The following COL4A5 variants were observed in gnomAD, a reference collection of about 807,000 sequenced individuals.
COL4A5 encodes collagen alpha-5(IV) chain.
A neutral mutation model predicts 130.2 loss-of-function variants in COL4A5; 26 were observed. The observed-to-expected ratio is 0.20, with a 90% confidence interval of 0.15 to 0.28. The LOEUF is 0.28. COL4A5 is among the 10% of genes least tolerant of loss of function. The probability of loss-of-function intolerance (pLI) is 1.00; values close to 1 mark genes in which losing one functional copy is unlikely to be tolerated. For synonymous variants in COL4A5, 496 were observed against 439.6 expected (o/e 1.13, Z -1.60); for missense variants, 1,131 against 1,344.3 (o/e 0.84, Z 2.48).
At chrX:108,587,443 G>T (rs2066355374) in intron 19 of COL4A5, among the ~76,000 whole-genome samples, 1 of 111,423 alleles carries the variant, frequency 9.0e-6, no homozygotes, top group Admixed American at 9.5e-5. Flanking sequence ...TGCTGCAAAT[G>T]ATAGAACTCC....
intron 1 of COL4A5, among the ~76,000 whole-genome samples, chrX:108,485,808 G>A (rs1469293718): frequency 9.0e-6 from 1 of 110,892 alleles, no homozygotes; most frequent in Admixed American, 9.7e-5. Context: ...TCCCTTAGCT[G>A]CACCAACTGG....
chrX:108,604,277 A>T (rs571740537), intron 28 of COL4A5, among the ~76,000 whole-genome samples: 1 of 112,396 alleles, frequency 8.9e-6, no homozygotes, highest in Non-Finnish European at 1.9e-5. Context: ...CTTAAATAAT[A>T]AGACTTGAAA....
intron 1 of COL4A5, among the ~76,000 whole-genome samples, chrX:108,504,472 T>A (rs1157979674): frequency 3.6e-5 from 4 of 111,880 alleles, no homozygotes; most frequent in African/African-American, 1.3e-4. Context: ...AGAAAATATT[T>A]GTAAACTATG....
At chrX:108,647,578 TCTC>T (rs2067626274) in intron 36 of COL4A5, among the ~76,000 whole-genome samples, 1 of 111,476 alleles carries the variant, frequency 9.0e-6, no homozygotes, top group African/African-American at 3.3e-5. Context: ...TTTATTTTCT[TCTC>T]CTGCCTGATT....
At chrX:108,684,842 C>A (rs1156470023) in intron 47 of COL4A5, among the ~76,000 whole-genome samples, 2 of 112,282 alleles carry the variant, frequency 1.8e-5, no homozygotes, top group African/African-American at 6.5e-5. Flanking sequence ...AACATCAATG[C>A]GAAAATCCTC....
intron 1 of COL4A5, among the ~76,000 whole-genome samples, chrX:108,533,957 C>A (rs1255637541): frequency 9.0e-6 from 1 of 111,110 alleles, no homozygotes; most frequent in Non-Finnish European, 1.9e-5. Context: ...CATCGCTAAT[C>A]ATCAGAGAAA....
Position 108,624,329 on chromosome X carries a change from C to A in COL4A5, c.3011C>A (p.Pro1004Gln). 8.4e-7 allele frequency: 1 copy of A among 1,196,574 alleles called. No homozygotes were observed. The highest frequency in any genetic ancestry group is 1.8e-5 in the South Asian group (1 of 55,814). ...GLSGQPGLPG[P>Q]PGPKGNPGLP... ...AGTGGACAACCTGGATTACCAGGAC[C>A]ACCAGGTAAGTGTGATAGGCCATTT... The change falls in exon 34 of 53, where the codon CCA becomes CAA. Residue 1004 changes from proline (P) to glutamine (Q), a missense_variant. Coordinates refer to ENST00000328300, the MANE Select transcript of COL4A5 (RefSeq NM_033380.3).
At chrX:108,586,933 C>T (rs931501625) in intron 19 of COL4A5, among the ~76,000 whole-genome samples, 186 bp downstream of exon 19, 6 of 110,966 alleles carry the variant, frequency 5.4e-5, no homozygotes, top group Non-Finnish European at 9.4e-5. Flanking sequence ...TTTAAAAAAG[C>T]CCAAGTGAAT....
intron 1 of COL4A5, among the ~76,000 whole-genome samples, chrX:108,523,383 C>G (rs1193485828): frequency 9.0e-6 from 1 of 111,594 alleles, no homozygotes; most frequent in East Asian, 2.8e-4. Flanking sequence ...GCACCTTTGT[C>G]AAAAATCTAT....
At position 108,524,879 on chromosome X, in the gene COL4A5, A is replaced by C. The variant is rs137991801; in HGVS notation, c.82-14867A>C. On this transcript the variant is annotated intron_variant, in intron 1 of 52. Coordinates refer to ENST00000328300, the MANE Select transcript of COL4A5 (RefSeq NM_033380.3). ...TGCTTTGTGTAATTGCAATACTTTT[A>C]AGTTTATTGATGTTTGTTTTATGGC... is the stretch of plus-strand genomic sequence containing the variant. 1.0e-3 allele frequency among the ~76,000 whole-genome samples: 117 copies of C among 111,792 alleles called. 4 individuals carry two copies. In the East Asian group the frequency reaches 0.032, roughly 30 times the overall value.
At chrX:108,553,033 G>A (rs2065775232) in intron 2 of COL4A5, among the ~76,000 whole-genome samples, 1 of 111,590 alleles carries the variant, frequency 9.0e-6, no homozygotes, top group African/African-American at 3.3e-5. Context: ...TCCTGGAAGG[G>A]TTGCATATGC....
intron 1 of COL4A5, among the ~76,000 whole-genome samples, chrX:108,444,210 CTCTTTTTTTTT>C (rs1190915404): frequency 9.5e-6 from 1 of 105,251 alleles, no homozygotes; most frequent in Non-Finnish European, 1.9e-5. Context: ...ATGTTCCAGA[CTCTTTTTTTTT>C]TCTTTTTTTT....
intron 39 of COL4A5, 130 bp downstream of exon 39, chrX:108,666,724 A>G: frequency 1.7e-6 from 1 of 582,568 alleles, no homozygotes; most frequent in Non-Finnish European, 2.8e-6. Flanking sequence ...CCCTTTTCCT[A>G]GTTACCGTCT....
chrX:108,636,188 T>C (rs748723442), intron 36 of COL4A5, among the ~76,000 whole-genome samples: 1 of 111,948 alleles, frequency 8.9e-6, no homozygotes, highest in South Asian at 3.7e-4. Flanking sequence ...AGAATGAATC[T>C]GGACCCCTAT....
At chrX:108,566,248 T>C (rs2065967204) in intron 4 of COL4A5, among the ~76,000 whole-genome samples, 1 of 111,019 alleles carries the variant, frequency 9.0e-6, no homozygotes, top group South Asian at 3.8e-4. Flanking sequence ...CTTTTTTTTT[T>C]TTTCATTATA....
At chrX:108,629,858 T>C (rs2067220905) in intron 36 of COL4A5, among the ~76,000 whole-genome samples, 1 of 110,062 alleles carries the variant, frequency 9.1e-6, no homozygotes. Context: ...CCGCCCTGTG[T>C]CCAAGTGTTC....
At chrX:108,478,087 TG>T (rs1473910861) in intron 1 of COL4A5, among the ~76,000 whole-genome samples, 1 of 111,100 alleles carries the variant, frequency 9.0e-6, no homozygotes, top group Non-Finnish European at 1.9e-5. Context: ...ATCACAGAGA[TG>T]GTAATACCCT....
At chrX:108,636,316 G>A (rs1047113001) in intron 36 of COL4A5, among the ~76,000 whole-genome samples, 1 of 110,476 alleles carries the variant, frequency 9.1e-6, no homozygotes, top group Non-Finnish European at 1.9e-5. Context: ...ATTAGGTAAT[G>A]GTTTCTTAGC....
chrX:108,483,423 C>G (rs1173442789), intron 1 of COL4A5, among the ~76,000 whole-genome samples: 3 of 111,284 alleles, frequency 2.7e-5, no homozygotes, highest in Admixed American at 9.6e-5. Flanking sequence ...GACTGGGAAG[C>G]TAGGCCAATC....
Sources: gnomAD v4.1 joint callset for allele counts (sites outside exome capture counted in the v4.1 genomes callset) on GRCh38, gnomAD v4.1.1 for gene constraint, MANE v1.5 for transcripts, NCBI Gene and HGNC (gene_info 2026-07-23, HGNC 2026-07-21) for gene names.